The following MID1 variants were observed in gnomAD, a reference collection of about 807,000 sequenced individuals.
MID1 encodes the protein midline 1, also known as E3 ubiquitin-protein ligase Midline-1.
In MID1, 7 loss-of-function variants were observed where a neutral mutation model predicts 40.4. That is an observed-to-expected ratio of 0.17 (90% confidence interval 0.10 to 0.33). The LOEUF is 0.33. Ranked by LOEUF, MID1 falls within the 10% of genes least tolerant of loss-of-function variation. The pLI, the probability that MID1 is intolerant of heterozygous loss-of-function variation, is 1.00. For missense variants in MID1, 367 were observed against 558.5 expected, an observed-to-expected ratio of 0.66 and a Z score of 3.46; for synonymous variants, 229 against 221.2, an observed-to-expected ratio of 1.04 and a Z score of -0.31.
At chrX:10,670,590 A>C (rs1470059259) in intron 1 of MID1, among the ~76,000 whole-genome samples, 5 of 112,229 alleles carry the variant, frequency 4.5e-5, no homozygotes, top group African/African-American at 1.6e-4. Flanking sequence ...ACGTCAAGGT[A>C]TCAAGATCTT....
At position 10,806,100 on chromosome X, in the gene MID1, G is replaced by T. The variant is rs765671099; in HGVS notation, c.-187+27454C>A. Among the ~76,000 whole-genome samples, 67 of 106,784 alleles carry T rather than the reference G, an allele frequency of 6.3e-4. 1 individual carries two copies. Among genetic ancestry groups the T allele is most frequent in the African/African-American group, 2.0e-3 (59 of 29,270 alleles). 92.7% of individuals were successfully genotyped at this position (106,784 alleles called of 115,157 possible). ...AATTAGATCCCATTTGTCAATTTTG[G>T]CTTTTGTTGCCATTGCTTTTGGTGT... On this transcript the variant is annotated intron_variant, in intron 1 of 10. Coordinates refer to the MID1 transcript ENST00000380785.
chrX:10,713,117 G>A (rs1458049163), intron 1 of MID1, among the ~76,000 whole-genome samples: 1 of 111,569 alleles, frequency 9.0e-6, no homozygotes, highest in Non-Finnish European at 1.9e-5. Context: ...TTACAGTTGT[G>A]AGCCACCACA....
At chrX:10,829,779 A>G (rs1489293240) in intron 1 of MID1, among the ~76,000 whole-genome samples, 1 of 111,972 alleles carries the variant, frequency 8.9e-6, no homozygotes, top group East Asian at 2.8e-4. Flanking sequence ...GTGCAAACTC[A>G]TTATTAATTC....
At chrX:10,766,228 C>G (rs758926633) in intron 1 of MID1, among the ~76,000 whole-genome samples, 4 of 111,463 alleles carry the variant, frequency 3.6e-5, no homozygotes, top group Non-Finnish European at 5.6e-5. Flanking sequence ...TCACCAGGAG[C>G]AAAATTTTTG....
chrX:10,597,287 AGTT>A (rs1213780518), intron 1 of MID1, among the ~76,000 whole-genome samples: 3 of 111,654 alleles, frequency 2.7e-5, no homozygotes, highest in Non-Finnish European at 5.6e-5. Flanking sequence ...TTGTTTTGCA[AGTT>A]GTTATTTTAA....
intron 8 of MID1, among the ~76,000 whole-genome samples, chrX:10,457,018 A>ATAAAC (rs1203036470): frequency 8.9e-6 from 1 of 112,156 alleles, no homozygotes; most frequent in Non-Finnish European, 1.9e-5. Context: ...ACTATCAGAG[A>ATAAAC]TAAACTATGA....
intron 1 of MID1, among the ~76,000 whole-genome samples, chrX:10,810,563 T>C (rs1455769970): frequency 9.0e-6 from 1 of 111,659 alleles, no homozygotes; most frequent in Non-Finnish European, 1.9e-5. Context: ...TGCTGGATTA[T>C]CTGGTAATTT....
intron 1 of MID1, among the ~76,000 whole-genome samples, chrX:10,773,020 C>T (rs2147127854): frequency 9.0e-6 from 1 of 111,119 alleles, no homozygotes; most frequent in East Asian, 2.8e-4. Context: ...TTGGTTAAAA[C>T]TTCTAAAAAT....
chrX:10,768,380 CT>C (rs1211092463), intron 1 of MID1, among the ~76,000 whole-genome samples: 1 of 111,567 alleles, frequency 9.0e-6, no homozygotes, highest in Non-Finnish European at 1.9e-5. Context: ...CTAAATTTGT[CT>C]TTTGGCAATC....
chrX:10,589,053 C>G (rs1569118151), intron 1 of MID1, among the ~76,000 whole-genome samples: 1 of 111,637 alleles, frequency 9.0e-6, no homozygotes, highest in Non-Finnish European at 1.9e-5. Flanking sequence ...ACCATGCTCA[C>G]ACCACACGCA....
intron 1 of MID1, among the ~76,000 whole-genome samples, chrX:10,640,134 C>A (rs1936172073): frequency 8.9e-6 from 1 of 111,738 alleles, no homozygotes; most frequent in African/African-American, 3.3e-5. Flanking sequence ...CAGCTAATAT[C>A]ATTATGACAG....
At chrX:10,457,433 T>C (rs1014483985) in intron 8 of MID1, among the ~76,000 whole-genome samples, 4 of 112,349 alleles carry the variant, frequency 3.6e-5, no homozygotes, top group Non-Finnish European at 7.5e-5. Flanking sequence ...GAAGACAAAT[T>C]AGTTCAAGAA....
At chrX:10,619,820 G>A (rs957352378) in intron 1 of MID1, among the ~76,000 whole-genome samples, 3 of 111,864 alleles carry the variant, frequency 2.7e-5, no homozygotes, top group Admixed American at 1.9e-4. Context: ...AGCTGGTTCC[G>A]CCTTCTCCGC....
chrX:10,560,218 C>T (rs181162169), intron 2 of MID1, among the ~76,000 whole-genome samples: 15 of 110,236 alleles, frequency 1.4e-4, no homozygotes, highest in African/African-American at 4.6e-4. Context: ...TTCAAAAGGC[C>T]TAAAGCAAGC....
At chrX:10,695,155 C>T (rs1286899135) in intron 1 of MID1, among the ~76,000 whole-genome samples, 1 of 111,956 alleles carries the variant, frequency 8.9e-6, no homozygotes, top group African/African-American at 3.2e-5. Context: ...GACAGGTTCT[C>T]ATTCTCTTGC....
At chrX:10,470,078 A>T (rs921615370) in intron 6 of MID1, among the ~76,000 whole-genome samples, 2 of 112,493 alleles carry the variant, frequency 1.8e-5, no homozygotes. Context: ...TGAGATCATG[A>T]GAATATGTTT....
rs143266374 is a variant in MID1, at chrX:10,591,176, C to T, written c.-56-23573G>A. On this transcript the variant is annotated intron_variant, in intron 1 of 9. Coordinates refer to ENST00000317552, the MANE Select transcript of MID1 (RefSeq NM_000381.4). ...TAAGCTATATTAAAGTGAAGTTATA[C>T]TTATTTTGACTATAAATATGAATAC... 5.4e-3 allele frequency among the ~76,000 whole-genome samples: 602 copies of T among 112,444 alleles called. 4 individuals are homozygous for T. Among genetic ancestry groups the T allele is most frequent in the African/African-American group, 0.018 (563 of 30,966 alleles).
intron 1 of MID1, among the ~76,000 whole-genome samples, chrX:10,602,133 G>A (rs1001035747): frequency 9.4e-6 from 1 of 106,002 alleles, no homozygotes; most frequent in African/African-American, 3.5e-5. Context: ...TCCTAACCTC[G>A]TGATCCACCC....
In MID1 at chrX:10,482,394, A is replaced by G. The variant is rs780481300; in HGVS notation, c.1013+86T>C. On this transcript the variant is annotated intron_variant, in intron 5 of 9. Transcript: ENST00000317552. Reference sequence around the variant, plus strand: ...TACTGAGCCTTGAAAATGAAAATAAAAGCAAGGCGAGGGCAAGACCAACCA... The same window carrying G: ...TACTGAGCCTTGAAAATGAAAATAAGAGCAAGGCGAGGGCAAGACCAACCA... 4.5e-4 allele frequency: 455 copies of G among 1,000,351 alleles called. No homozygotes were observed. The South Asian group carries it at 6.1e-3, about 13-fold the overall frequency. The allele number at this position is 1,000,351 out of a possible 1,213,427, so 82.4% of individuals were successfully genotyped here.
Sources: allele counts gnomAD v4.1 joint callset (sites outside exome capture counted in the v4.1 genomes callset), GRCh38; gene constraint gnomAD v4.1.1; transcripts MANE v1.5; gene names NCBI Gene and HGNC (gene_info 2026-07-23, HGNC 2026-07-21).